Variants in IL1RAPL2 observed in about 807,000 individuals in gnomAD.
IL1RAPL2 encodes the protein interleukin 1 receptor accessory protein like 2.
Under a neutral mutation model 44.1 loss-of-function variants are expected in IL1RAPL2, and 3 were observed. The ratio of observed to expected loss-of-function variants is 0.07; its 90% CI spans 0.03 to 0.18. The LOEUF is 0.18. Ranked by LOEUF, IL1RAPL2 falls within the 10% of genes least tolerant of loss-of-function variation. The pLI, the probability that IL1RAPL2 is intolerant of heterozygous loss-of-function variation, is 1.00. For missense variants in IL1RAPL2, 391 were observed against 496.4 expected, an observed-to-expected ratio of 0.79 and a Z score of 2.02; for synonymous variants, 181 against 178.8, an observed-to-expected ratio of 1.01 and a Z score of -0.10.
At chrX:104,827,523 G>A (rs1319864177) in intron 2 of IL1RAPL2, among the ~76,000 whole-genome samples, 2 of 111,293 alleles carry the variant, frequency 1.8e-5, no homozygotes, top group Non-Finnish European at 3.8e-5. Flanking sequence ...TCCCTTTGTG[G>A]GTAACCATAC....
chrX:105,308,705 AT>A (rs893388745), intron 5 of IL1RAPL2, among the ~76,000 whole-genome samples: 9 of 112,215 alleles, frequency 8.0e-5, no homozygotes, highest in African/African-American at 2.9e-4. Flanking sequence ...GAACATTTAG[AT>A]TGTTTCTAAT....
At chrX:104,823,501 G>A (rs1459419641) in intron 2 of IL1RAPL2, among the ~76,000 whole-genome samples, 2 of 108,050 alleles carry the variant, frequency 1.9e-5, no homozygotes, top group African/African-American at 6.7e-5. Context: ...GTCTATCATC[G>A]TTGGACATTT....
At chrX:105,764,641 AAAT>A (rs2038714887) in intron 10 of IL1RAPL2, among the ~76,000 whole-genome samples, 1 of 110,723 alleles carries the variant, frequency 9.0e-6, no homozygotes, top group South Asian at 3.9e-4. Context: ...CCTCTATAAA[AAAT>A]AATAATAAAA....
chrX:105,635,745 TA>T (rs2037518913), intron 6 of IL1RAPL2, among the ~76,000 whole-genome samples: 1 of 111,974 alleles, frequency 8.9e-6, no homozygotes, highest in African/African-American at 3.2e-5. Flanking sequence ...GACTTAAACC[TA>T]AATCTGTTTA....
At chrX:105,447,932 A>G (rs981620957) in intron 5 of IL1RAPL2, among the ~76,000 whole-genome samples, 4 of 97,661 alleles carry the variant, frequency 4.1e-5, no homozygotes, top group African/African-American at 1.5e-4. Context: ...TAAATATATT[A>G]AAATATGTTA....
At chrX:105,662,950 G>T (rs1208848183) in intron 6 of IL1RAPL2, among the ~76,000 whole-genome samples, 1 of 112,068 alleles carries the variant, frequency 8.9e-6, no homozygotes, top group Non-Finnish European at 1.9e-5. Flanking sequence ...TAAGTTTTAG[G>T]GTAATTTGTT....
intron 6 of IL1RAPL2, among the ~76,000 whole-genome samples, chrX:105,576,899 AG>A (rs1162567044): frequency 8.9e-6 from 1 of 111,924 alleles, no homozygotes; most frequent in African/African-American, 3.2e-5. Flanking sequence ...ATCACCATAA[AG>A]TTTGCACTTT....
intron 7 of IL1RAPL2, among the ~76,000 whole-genome samples, chrX:105,728,069 C>G (rs1435235528): frequency 2.7e-5 from 3 of 111,351 alleles, no homozygotes; most frequent in African/African-American, 9.8e-5. Context: ...GATTTCACTC[C>G]TAATGTTGTA....
intron 1 of IL1RAPL2, among the ~76,000 whole-genome samples, chrX:104,645,166 C>T (rs1930009703): frequency 9.0e-6 from 1 of 111,561 alleles, no homozygotes. Context: ...TCCTTCGCTA[C>T]CTTCTTATTT....
chrX:105,035,774 T>G (rs2031618237), intron 2 of IL1RAPL2, among the ~76,000 whole-genome samples: 1 of 112,405 alleles, frequency 8.9e-6, no homozygotes, highest in African/African-American at 3.2e-5. Context: ...TTAAAGCATA[T>G]TTATATTTAA....
intron 2 of IL1RAPL2, among the ~76,000 whole-genome samples, chrX:105,117,731 T>C (rs1482731353): frequency 2.7e-5 from 3 of 111,673 alleles, no homozygotes; most frequent in African/African-American, 9.8e-5. Flanking sequence ...TCCACCATGA[T>C]TGTAAGGTTC....
chrX:105,247,591 G>GTATATATA (rs746336838), intron 4 of IL1RAPL2, among the ~76,000 whole-genome samples: 1 of 100,609 alleles, frequency 9.9e-6, no homozygotes, highest in African/African-American at 3.8e-5. Flanking sequence ...AAGTGTGTGT[G>GTATATATA]TATATATATA....
intron 2 of IL1RAPL2, among the ~76,000 whole-genome samples, chrX:104,763,045 C>T (rs750595438): frequency 8.9e-6 from 1 of 112,317 alleles, no homozygotes; most frequent in East Asian, 2.8e-4. Context: ...ATTGGGTTTT[C>T]TTTTCTCCTG....
At chrX:104,740,650 G>A (rs749242783) in intron 2 of IL1RAPL2, among the ~76,000 whole-genome samples, 16 of 110,009 alleles carry the variant, frequency 1.5e-4, no homozygotes, top group East Asian at 2.9e-4. Context: ...AACCTAGTCC[G>A]TTATTTATCG....
intron 7 of IL1RAPL2, among the ~76,000 whole-genome samples, chrX:105,732,370 G>A (rs1044797356): frequency 9.0e-6 from 1 of 110,946 alleles, no homozygotes; most frequent in African/African-American, 3.3e-5. Context: ...GGTCCTTCAT[G>A]AATGGCTTAG....
chrX:105,648,288 T>C (rs760147257), intron 6 of IL1RAPL2, among the ~76,000 whole-genome samples: 1 of 111,735 alleles, frequency 8.9e-6, no homozygotes, highest in Non-Finnish European at 1.9e-5. Context: ...TCTTTTATGA[T>C]AGAAATCATG....
At chrX:104,828,386 T>G (rs1921515685) in intron 2 of IL1RAPL2, among the ~76,000 whole-genome samples, 1 of 112,302 alleles carries the variant, frequency 8.9e-6, no homozygotes, top group South Asian at 3.7e-4. Flanking sequence ...GTTAGGCTCC[T>G]CTTCTGCAAG....
At chrX:104,963,671 G>T (rs1467212641) in intron 2 of IL1RAPL2, among the ~76,000 whole-genome samples, 4 of 111,090 alleles carry the variant, frequency 3.6e-5, no homozygotes, top group African/African-American at 1.3e-4. Flanking sequence ...ACAACTTTAA[G>T]TTTGGAATAC....
chrX:105,630,309 C>G (rs1412627953), intron 6 of IL1RAPL2, among the ~76,000 whole-genome samples: 1 of 111,323 alleles, frequency 9.0e-6, no homozygotes, highest in Non-Finnish European at 1.9e-5. Flanking sequence ...CTAGTGCAGG[C>G]ACCCTACTAG....
Sources: allele counts gnomAD v4.1 joint callset (sites outside exome capture counted in the v4.1 genomes callset), GRCh38; gene constraint gnomAD v4.1.1; transcripts MANE v1.5; gene names NCBI Gene and HGNC (gene_info 2026-07-23, HGNC 2026-07-21).